Variants in CRYBA4 observed in about 807,000 individuals in gnomAD.
CRYBA4 encodes beta-crystallin A4.
CRYBA4 carries 30 observed loss-of-function variants against 31.7 expected under a neutral mutation model. The observed-to-expected ratio is 0.95, with a 90% confidence interval of 0.71 to 1.28. CRYBA4 has a LOEUF of 1.28. Among genes scored for constraint, CRYBA4 ranks in the 50% most tolerant of loss-of-function variants. CRYBA4 has a pLI of 0.00. For missense variants in CRYBA4, 225 were observed against 260.7 expected, an observed-to-expected ratio of 0.86 and a Z score of 0.94; for synonymous variants, 102 against 102.3, an observed-to-expected ratio of 1.00 and a Z score of 0.02.
the CRYBA4 span, chr22:26,607,755 G>A: frequency 6.6e-4 from 786 of 1,195,324 alleles, 3 homozygotes; most frequent in African/African-American, 0.011. Flanking sequence ...AGAATCCACG[G>A]TCCTTTGACA....
the CRYBA4 span, among the ~76,000 whole-genome samples, chr22:26,605,243 T>C: frequency 6.6e-6 from 1 of 152,156 alleles, no homozygotes; most frequent in Non-Finnish European, 1.5e-5. Context: ...CTACCACAGT[T>C]TGCAATTGTA....
chr22:26,593,551 A>C, the CRYBA4 span, among the ~76,000 whole-genome samples: 8 of 152,038 alleles, frequency 5.3e-5, no homozygotes. Context: ...TTTGAGACAG[A>C]GTCTCACTCT....
chr22:26,625,577 C>T lies in CRYBA4; in HGVS notation c.255C>T (p.Ala85=), dbSNP rs1279782527. The change falls in exon 4 of 6, where the codon GCC becomes GCT. Residue 85 remains alanine, a synonymous_variant. Transcript: ENST00000354760. Reference sequence around the variant, plus strand: ...GGGATGCCTGGGGCGGCAACACGGCCTACCCCGCCGAGAGGCTCACCTCCT... The same window carrying T: ...GGGATGCCTGGGGCGGCAACACGGCTTACCCCGCCGAGAGGCTCACCTCCT... ...PSWDAWGGNT[A]YPAERLTSFR... is the part of the protein sequence containing the mutation. 1 of 1,613,770 alleles carries T rather than the reference C, an allele frequency of 6.2e-7. No individual in the cohort carries two copies. Among genetic ancestry groups the T allele is most frequent in the Admixed American group, 1.7e-5 (1 of 59,998 alleles).
chr22:26,611,454 GTTTTTTTTT>G, the CRYBA4 span, among the ~76,000 whole-genome samples: 4,796 of 142,738 alleles, frequency 0.034, 145 homozygotes, highest in East Asian at 0.092. Context: ...GCTAGAGTTT[GTTTTTTTTT>G]TTTTTGTTTT....
At chr22:26,628,232 C>T (rs760965327) in intron 4 of CRYBA4, 56 bp from the exon 5 acceptor site, 4 of 1,612,752 alleles carry the variant, frequency 2.5e-6, no homozygotes, top group African/African-American at 1.3e-5. Context: ...CCAGGAGAGG[C>T]TCCTGGGTTT....
the CRYBA4 span, among the ~76,000 whole-genome samples, chr22:26,609,008 C>T: frequency 3.3e-5 from 5 of 152,148 alleles, no homozygotes; most frequent in African/African-American, 1.2e-4. Context: ...GGGATTGTGG[C>T]AGTGCAGGTG....
chr22:26,615,389 C>T, the CRYBA4 span, among the ~76,000 whole-genome samples: 4 of 152,202 alleles, frequency 2.6e-5, no homozygotes, highest in East Asian at 7.7e-4. Flanking sequence ...TTCTTGCTTT[C>T]GATAAACTCT....
the CRYBA4 span, chr22:26,616,022 G>A: frequency 3.7e-6 from 3 of 819,270 alleles, no homozygotes; most frequent in Admixed American, 1.9e-5. Context: ...GAAAAAGGAG[G>A]AGAAAGAGGT....
the CRYBA4 span, chr22:26,616,374 C>G: frequency 1.1e-5 from 16 of 1,441,808 alleles, no homozygotes; most frequent in East Asian, 6.8e-5. Flanking sequence ...GATGACACCC[C>G]CAAACTGCCT....
the CRYBA4 span, chr22:26,599,200 C>T: frequency 2.3e-6 from 1 of 439,772 alleles, no homozygotes; most frequent in Non-Finnish European, 4.2e-6. Context: ...CTAGGTGGAG[C>T]AAACTCCTTG....
rs1439547289 is a variant in CRYBA4, at chr22:26,627,416, CT to C, written c.301-869del. Among the ~76,000 whole-genome samples, 359 of 78,310 alleles carry C rather than the reference CT, an allele frequency of 4.6e-3. 17 individuals carry two copies. The highest frequency in any genetic ancestry group is 9.7e-3 in the African/African-American group (127 of 13,058). The allele number at this position is 78,310 out of a possible 152,430, so 51.4% of individuals were successfully genotyped here. ...TCTTTCTTTCTTTCTTTCTTTCTTT[CT>C]TTCTTTCTTTTTCTTTCTTTCTTTC... On this transcript the variant is annotated intron_variant, in intron 4 of 5. Transcript: ENST00000354760.
the CRYBA4 span, chr22:26,612,004 T>C: frequency 1.1e-5 from 12 of 1,141,714 alleles, no homozygotes; most frequent in African/African-American, 1.1e-4. Context: ...GCTGGAGAAA[T>C]GGCAGCTACT....
chr22:26,608,185 T>C, the CRYBA4 span, among the ~76,000 whole-genome samples: 3 of 152,196 alleles, frequency 2.0e-5, no homozygotes, highest in Non-Finnish European at 2.9e-5. Flanking sequence ...CTCTGACACT[T>C]ACAGGCTGTG....
chr22:26,593,242 A>G, the CRYBA4 span, among the ~76,000 whole-genome samples: 718 of 152,360 alleles, frequency 4.7e-3, 3 homozygotes, highest in African/African-American at 0.017. Context: ...CAGGAAGAAT[A>G]TTTATCAAAA....
the CRYBA4 span, among the ~76,000 whole-genome samples, chr22:26,602,306 G>A: frequency 7.9e-5 from 12 of 152,124 alleles, no homozygotes; most frequent in Non-Finnish European, 1.5e-4. Context: ...TTTATTGGCC[G>A]GGTGCCATGG....
At chr22:26,610,344 C>CT in the CRYBA4 span, among the ~76,000 whole-genome samples, 1 of 151,962 alleles carries the variant, frequency 6.6e-6, no homozygotes, top group African/African-American at 2.4e-5. Context: ...CCTCTTCATT[C>CT]TTTTTTTCCC....
intron 3 of CRYBA4, among the ~76,000 whole-genome samples, chr22:26,625,175 C>G (rs1929663638): frequency 6.6e-6 from 1 of 152,202 alleles, no homozygotes; most frequent in African/African-American, 2.4e-5. Context: ...CAAGTGAGGT[C>G]TAGAGCTGGG....
rs1406182972 is a variant in CRYBA4, at chr22:26,628,512, G to A, written c.443+82G>A. 4.5e-6 allele frequency: 7 copies of A among 1,546,262 alleles called. No individual in the cohort carries two copies. The African/African-American group carries it at 8.2e-5, about 18-fold the overall frequency. ...TACCTCCTGTGAAAACTGTGTGCTG[G>A]GGACTTTTGTGCTCTGATGCCCACA... On this transcript the variant is annotated intron_variant, in intron 5 of 5. Transcript: ENST00000354760.
the CRYBA4 span, among the ~76,000 whole-genome samples, chr22:26,616,744 C>T: frequency 1.3e-5 from 2 of 152,320 alleles, no homozygotes; most frequent in African/African-American, 2.4e-5. Flanking sequence ...CTGTGACATA[C>T]ATTAATTAAC....
Sources: gnomAD v4.1 joint callset for allele counts (sites outside exome capture counted in the v4.1 genomes callset) on GRCh38, gnomAD v4.1.1 for gene constraint, MANE v1.5 for transcripts, NCBI Gene and HGNC (gene_info 2026-07-23, HGNC 2026-07-21) for gene names.